CD4: variants seen among roughly 807,000 people sequenced by gnomAD.
The protein encoded by CD4 is CD4 molecule.
Under a neutral mutation model 50.5 loss-of-function variants are expected in CD4, and 25 were observed. The observed-to-expected ratio is 0.49, with a 90% CI of 0.36 to 0.69. The LOEUF is 0.69. Ranked by LOEUF, CD4 falls within the 30% of genes least tolerant of loss-of-function variation. The pLI, the probability that CD4 is intolerant of heterozygous loss-of-function variation, is 0.00. For missense variants in CD4, 456 were observed against 548.5 expected, an observed-to-expected ratio of 0.83 and a Z score of 1.68; for synonymous variants, 207 against 221.9, an observed-to-expected ratio of 0.93 and a Z score of 0.60.
In CD4 at chr12:6,818,256, C is replaced by T. The variant is rs1287356825; in HGVS notation, c.1157-165C>T. On this transcript the variant is annotated intron_variant, in intron 7 of 9. Transcript: ENST00000011653. The surrounding 1 kb of genome is among the most constrained non-coding windows in gnomAD (Gnocchi z 5.0). ...ATATGGATATGCCCAAACATAAAAC[C>T]GATTCCCCAGCACTGGCGGCCTTTG... Among the ~76,000 whole-genome samples the T allele has an allele frequency of 1.3e-5, 2 of 152,184 alleles. No homozygotes were observed. The highest frequency in any genetic ancestry group is 2.4e-5 in the African/African-American group (1 of 41,434).
rs1555114961 is a variant in CD4, at chr12:6,800,143, A to C, written c.5A>C (p.Asn2Thr). The change falls in exon 2 of 10, where the codon AAC becomes ACC. Residue 2 changes from asparagine to threonine, a missense_variant. Asn to Thr is a moderately conservative substitution (Grantham distance 65). Transcript: ENST00000011653. MNRGVPFRHLLL... is the reference protein window; with the variant it reads MTRGVPFRHLLL... ...GCCTCCCTCGGCAAGGCCACAATGAACCGGGGAGTCCCTTTTAGGCACTTG... is the reference window on the plus strand; with the variant it reads ...GCCTCCCTCGGCAAGGCCACAATGACCCGGGGAGTCCCTTTTAGGCACTTG... The C allele has an allele frequency of 3.7e-6, 6 of 1,613,986 alleles. No individual in the cohort carries two copies. Among genetic ancestry groups the C allele is most frequent in the Non-Finnish European group, 5.1e-6 (6 of 1,179,946 alleles).
chr12:6,793,688 C>G (rs1234051179), intron 1 of CD4, among the ~76,000 whole-genome samples: 1 of 88,790 alleles, frequency 1.1e-5, no homozygotes, highest in African/African-American at 4.8e-5. Context: ...ATCTATCTAT[C>G]TATCTATCTA....
At chr12:6,815,497 G>A (rs1405503402) in intron 5 of CD4, among the ~76,000 whole-genome samples, 1 of 152,152 alleles carries the variant, frequency 6.6e-6, no homozygotes, top group Non-Finnish European at 1.5e-5. Flanking sequence ...AAGGTAGTGT[G>A]CCAGTTTAGT....
In CD4 at chr12:6,819,596, C is replaced by G; in HGVS notation, c.*267C>G. 1.9e-6 allele frequency: 1 copy of G among 521,010 alleles called. No homozygotes were observed. 32.3% of individuals were successfully genotyped at this position (521,010 alleles called of 1,614,324 possible). On this transcript the variant is annotated 3_prime_UTR_variant, in exon 10 of 10. Coordinates refer to ENST00000011653, the MANE Select transcript of CD4 (RefSeq NM_000616.5). ...CTTCTCTCATTATTTCTCTCTGACC[C>G]TCTCCCCACTGCTCATTTGGATCCC...
intron 3 of CD4, among the ~76,000 whole-genome samples, chr12:6,804,845 T>C (rs1359778314): frequency 6.6e-6 from 1 of 151,626 alleles, no homozygotes; most frequent in Non-Finnish European, 1.5e-5. Flanking sequence ...TGAAACCCTG[T>C]CTCTACTAAA....
intron 3 of CD4, 39 bp from the exon 4 acceptor site, chr12:6,814,103 G>C: frequency 1.9e-6 from 3 of 1,592,818 alleles, no homozygotes; most frequent in Non-Finnish European, 2.6e-6. Flanking sequence ...CCTGTCTCCA[G>C]GGCGCCTCAG....
chr12:6,794,775 G>GTTTTT lies in CD4; in HGVS notation c.-68+5119_-68+5123dup, dbSNP rs763211966. Among the ~76,000 whole-genome samples, 80 of 112,462 alleles carry GTTTTT rather than the reference G, an allele frequency of 7.1e-4. 2 individuals are homozygous for GTTTTT. The highest frequency in any genetic ancestry group is 2.2e-3 in the South Asian group (6 of 2,738). 73.8% of individuals were successfully genotyped at this position (112,462 alleles called of 152,430 possible). ...ATCTAATCTATCTGTCTGTATGTCT[G>GTTTTT]TTTTTTTTTTGTTTTTTTTTTTTTT... On this transcript the variant is annotated intron_variant, in intron 1 of 9. Coordinates refer to ENST00000011653, the MANE Select transcript of CD4 (RefSeq NM_000616.5).
In CD4 at chr12:6,818,559, C is replaced by T. The variant is rs782424047; in HGVS notation, c.1278+17C>T. The T allele has an allele frequency of 1.9e-6, 3 of 1,612,194 alleles. No homozygotes were observed. Among genetic ancestry groups the T allele is most frequent in the Non-Finnish European group, 1.7e-6 (2 of 1,179,976 alleles). ...CACCGAAGGGTGAGTAACCCCACAC[C>T]TGGTCCCCACAAGGCCCTCAAACCC... On this transcript the variant is annotated intron_variant, in intron 8 of 9. Coordinates refer to ENST00000011653, the MANE Select transcript of CD4 (RefSeq NM_000616.5). This position sits in a 1 kb window ranked among gnomAD's most constrained non-coding sequence, Gnocchi z 5.0.
At chr12:6,809,172 T>C (rs1446901338) in intron 3 of CD4, among the ~76,000 whole-genome samples, 2 of 152,124 alleles carry the variant, frequency 1.3e-5, no homozygotes, top group African/African-American at 4.8e-5. Context: ...TTTCCTATCG[T>C]CATCAATTAT....
intron 3 of CD4, among the ~76,000 whole-genome samples, chr12:6,805,603 C>T (rs1351996668): frequency 6.6e-6 from 1 of 150,968 alleles, no homozygotes. Context: ...GAATTGTATG[C>T]TAAAAACTAC....
In CD4 at chr12:6,792,837, C is replaced by T. The variant is rs1276080384; in HGVS notation, c.-68+3175C>T. 2.0e-5 allele frequency among the ~76,000 whole-genome samples: 3 copies of T among 152,080 alleles called. No individual in the cohort carries two copies. Among genetic ancestry groups the T allele is most frequent in the Admixed American group, 6.5e-5 (1 of 15,268 alleles). ...GAGCCCGGGAGAGCCAGCACGGCCG[C>T]CTGGTATATGAGGCAAAGAGGAAGA... On this transcript the variant is annotated intron_variant, in intron 1 of 9. Transcript: ENST00000011653. The surrounding 1 kb of genome is among the most constrained non-coding windows in gnomAD (Gnocchi z 4.1).
chr12:6,793,383 G>T (rs902541320), intron 1 of CD4, among the ~76,000 whole-genome samples: 2 of 152,108 alleles, frequency 1.3e-5, no homozygotes, highest in Non-Finnish European at 2.9e-5. Context: ...TATCGTTTAT[G>T]GAGACTTCCC....
chr12:6,814,738 A>G (rs1943040135), intron 4 of CD4, 21 bp from the exon 5 acceptor site: 1 of 1,566,622 alleles, frequency 6.4e-7, no homozygotes, highest in African/African-American at 1.4e-5. Context: ...TGTGTGACAC[A>G]GCTGGCCTTT....
At position 6,814,261 on chromosome 12, in the gene CD4, G is replaced by A. The variant is rs376290326; in HGVS notation, c.334G>A (p.Glu112Lys). ...CTCAGATACTTACATCTGTGAAGTG[G>A]AGGACCAGAAGGAGGAGGTGCAATT... Reference protein sequence around the residue: ...EDSDTYICEVEDQKEEVQLLV... With the variant: ...EDSDTYICEVKDQKEEVQLLV... Residue 112 changes from glutamate to lysine, a missense_variant, in exon 4 of 10, where the codon GAG (glutamate) becomes AAG (lysine). Physicochemically the swap from Glu to Lys is moderately conservative, Grantham distance 56. Coordinates refer to ENST00000011653, the MANE Select transcript of CD4 (RefSeq NM_000616.5). 3 of 1,613,840 alleles carry A rather than the reference G, an allele frequency of 1.9e-6. No individual in the cohort carries two copies. The highest frequency in any genetic ancestry group is 2.7e-5 in the African/African-American group (2 of 74,920).
intron 3 of CD4, among the ~76,000 whole-genome samples, chr12:6,803,016 A>G (rs12427182): frequency 0.051 from 7,747 of 152,222 alleles, 370 homozygotes; most frequent in Admixed American, 0.11. Flanking sequence ...TACAGGTGTG[A>G]GCCACCGCAC....
Position 6,818,394 on chromosome 12 carries a change from C to T in CD4, c.1157-27C>T, listed in dbSNP as rs782519623. ...CCCTGGCCCGTGGAGGAGGGCGGTG[C>T]ATTGAGCACATTTCTCTCCCTTGCA... On this transcript the variant is annotated intron_variant, in intron 7 of 9. Coordinates refer to ENST00000011653, the MANE Select transcript of CD4 (RefSeq NM_000616.5). This position sits in a 1 kb window ranked among gnomAD's most constrained non-coding sequence, Gnocchi z 5.0. The T allele has an allele frequency of 1.9e-6, 3 of 1,610,518 alleles. No individual in the cohort carries two copies. Among genetic ancestry groups the T allele is most frequent in the Non-Finnish European group, 1.7e-6 (2 of 1,179,798 alleles).
intron 3 of CD4, among the ~76,000 whole-genome samples, chr12:6,806,960 G>A (rs938954816): frequency 1.3e-5 from 2 of 152,174 alleles, no homozygotes; most frequent in Non-Finnish European, 2.9e-5. Flanking sequence ...GAGGTCAGGA[G>A]ATCGAGACCA....
rs1310694000 is a variant in CD4, at chr12:6,818,092, GCACACGCGCGCA to G, written c.1157-323_1157-312del. ...CACATTCACACATGGACTCACACGC[GCACACGCGCGCA>G]CACACACACATTCACACCATTCACA... On this transcript the variant is annotated intron_variant, in intron 7 of 9. Coordinates refer to ENST00000011653, the MANE Select transcript of CD4 (RefSeq NM_000616.5). The surrounding 1 kb of genome is among the most constrained non-coding windows in gnomAD (Gnocchi z 5.0). Among the ~76,000 whole-genome samples the G allele has an allele frequency of 3.5e-3, 215 of 61,746 alleles. 1 individual carries two copies. Among genetic ancestry groups the G allele is most frequent in the Non-Finnish European group, 4.3e-3 (81 of 18,716 alleles). 40.5% of individuals were successfully genotyped at this position (61,746 alleles called of 152,430 possible).
chr12:6,816,060 C>G lies in CD4; in HGVS notation c.612C>G (p.Phe204Leu). ...TCTCTCCCTTCCCACCTCCAGCTTT[C>G]CAGAAGGCCTCCAGCATAGTCTATA... ...EFKIDIVVLA[F>L]QKASSIVYKK... The change falls in exon 6 of 10, where the codon TTC (phenylalanine) becomes TTG (leucine). Residue 204 changes from phenylalanine (F) to leucine (L), a missense_variant. Physicochemically the swap from Phe to Leu is conservative, Grantham distance 22. Coordinates refer to ENST00000011653, the MANE Select transcript of CD4 (RefSeq NM_000616.5). The surrounding 1 kb of genome is among the most constrained non-coding windows in gnomAD (Gnocchi z 4.9). The G allele has an allele frequency of 6.2e-7, 1 of 1,614,090 alleles. No homozygotes were observed. The highest frequency in any genetic ancestry group is 8.5e-7 in the Non-Finnish European group (1 of 1,179,996).
Sources: allele counts gnomAD v4.1 joint callset (sites outside exome capture counted in the v4.1 genomes callset), GRCh38; gene constraint gnomAD v4.1.1; non-coding constraint Gnocchi (gnomAD v3.1); transcripts MANE v1.5; gene names NCBI Gene and HGNC (gene_info 2026-07-23, HGNC 2026-07-21).